COBL: variants seen among roughly 807,000 people sequenced by gnomAD.
COBL encodes the protein cordon-bleu WH2 repeat protein.
In COBL, 51 loss-of-function variants were observed where a neutral mutation model predicts 98.8. The observed-to-expected ratio is 0.52, with a 90% CI of 0.41 to 0.65. The LOEUF (loss-of-function observed/expected upper bound fraction) is 0.65. Among genes scored for constraint, COBL ranks in the 30% least tolerant of loss-of-function variants. The probability of loss-of-function intolerance (pLI) is 0.00; values close to 1 mark genes in which losing one functional copy is unlikely to be tolerated. For missense variants in COBL, 1,617 were observed against 1,617.5 expected, an observed-to-expected ratio of 1.00 and a Z score of 0.01; for synonymous variants, 634 against 651.7, an observed-to-expected ratio of 0.97 and a Z score of 0.41.
At position 51,193,582 on chromosome 7, in the gene COBL, T is replaced by A; in HGVS notation, c.253A>T (p.Met85Leu). The A allele has an allele frequency of 6.2e-7, 1 of 1,613,936 alleles. No individual in the cohort carries two copies. Among genetic ancestry groups the A allele is most frequent in the Non-Finnish European group, 8.5e-7 (1 of 1,179,902 alleles). Residue 85 changes from methionine (M) to leucine (L), a missense_variant, in exon 3 of 13, where the codon ATG (methionine) becomes TTG (leucine). By Grantham distance (15) the Met-to-Leu change is conservative. Around this residue, in one of 3 missense-constraint regions of COBL, gnomAD observed 238 missense variants for 215.0 expected, o/e 1.11. Transcript: ENST00000265136. ...CAAAGTTCAACCAGTAGGTCCATCA[T>A]CGCATGGCTGAAAAAAGGAAAACAA... ...KRSVLNGSHAMMDLLVELCLQ... is the reference protein window; with the variant it reads ...KRSVLNGSHALMDLLVELCLQ...
intron 6 of COBL, among the ~76,000 whole-genome samples, chr7:51,092,199 C>G (rs1794877933): frequency 6.6e-6 from 1 of 152,210 alleles, no homozygotes; most frequent in Non-Finnish European, 1.5e-5. Context: ...TGAGGTGGAA[C>G]AGTTTTATCC....
At chr7:51,094,334 T>C (rs373483499) in intron 6 of COBL, among the ~76,000 whole-genome samples, 4 of 152,052 alleles carry the variant, frequency 2.6e-5, no homozygotes, top group Non-Finnish European at 5.9e-5. Context: ...TTAATAACAA[T>C]GTGTTGTATA....
intron 1 of COBL, among the ~76,000 whole-genome samples, chr7:51,304,987 C>T (rs1584456645): frequency 6.6e-6 from 1 of 152,100 alleles, no homozygotes; most frequent in Admixed American, 6.5e-5. Context: ...GCAAACCAGC[C>T]GTGCTCCCCA....
In COBL at chr7:51,203,461, CAAAAAAA is replaced by C. The variant is rs1165738166; in HGVS notation, c.246-9879_246-9873del. Reference sequence around the variant, plus strand: ...TGGGCGACAGAGCGAGACTCCGTCTCAAAAAAAAAAAAAAAAAAAAAAAACTCTTGGC... The same window carrying C: ...TGGGCGACAGAGCGAGACTCCGTCTCAAAAAAAAAAAAAAAAACTCTTGGC... On this transcript the variant is annotated intron_variant, in intron 2 of 12. Transcript: ENST00000265136. Among the ~76,000 whole-genome samples, 5 of 12,064 alleles carry C rather than the reference CAAAAAAA, an allele frequency of 4.1e-4. 1 individual carries two copies. Among genetic ancestry groups the C allele is most frequent in the South Asian group, 6.8e-3 (2 of 292 alleles). The allele number at this position is 12,064 out of a possible 152,430, so 7.9% of individuals were successfully genotyped here. A position where few individuals can be genotyped will look rare whatever the true frequency, so the allele number is the denominator to read the frequency against.
chr7:51,229,675 G>A (rs1794549638), intron 1 of COBL, among the ~76,000 whole-genome samples: 1 of 152,154 alleles, frequency 6.6e-6, no homozygotes, highest in Non-Finnish European at 1.5e-5. Context: ...TTTCCTAAAG[G>A]AGTTTTGATT....
intron 9 of COBL, among the ~76,000 whole-genome samples, chr7:51,030,149 G>C (rs1431015217): frequency 6.6e-6 from 1 of 152,160 alleles, no homozygotes; most frequent in Non-Finnish European, 1.5e-5. Context: ...ACATTCTCAG[G>C]ACAGGAAACT....
At chr7:51,308,492 T>C (rs905594217) in intron 1 of COBL, among the ~76,000 whole-genome samples, 5 of 152,222 alleles carry the variant, frequency 3.3e-5, no homozygotes, top group African/African-American at 1.2e-4. Context: ...GTTTGCTACT[T>C]ACTTAACTGC....
chr7:51,268,777 A>C (rs1798456516), intron 1 of COBL, among the ~76,000 whole-genome samples: 1 of 151,950 alleles, frequency 6.6e-6, no homozygotes, highest in Non-Finnish European at 1.5e-5. Flanking sequence ...TAAAAATACA[A>C]AAATTAGCCA....
chr7:51,230,008 C>T (rs1794595359), intron 1 of COBL, among the ~76,000 whole-genome samples: 1 of 152,154 alleles, frequency 6.6e-6, no homozygotes. Context: ...TCTGTGCAGG[C>T]TGCAGTATCA....
chr7:51,018,891 C>CAAAAAAAAAAAAAA (rs11433270), intron 12 of COBL, among the ~76,000 whole-genome samples: 6 of 6,830 alleles, frequency 8.8e-4, no homozygotes, highest in East Asian at 4.2e-3. Context: ...AACTCCATCT[C>CAAAAAAAAAAAAAA]AAAAAAAAAA....
intron 1 of COBL, among the ~76,000 whole-genome samples, chr7:51,281,685 GTAAATA>G (rs1799831676): frequency 6.6e-6 from 1 of 151,478 alleles, no homozygotes; most frequent in Admixed American, 6.6e-5. Flanking sequence ...ACTATATCCA[GTAAATA>G]TATCCTTCAA....
intron 2 of COBL, among the ~76,000 whole-genome samples, chr7:51,205,964 G>T (rs1195747368): frequency 6.6e-6 from 1 of 152,102 alleles, no homozygotes; most frequent in African/African-American, 2.4e-5. Flanking sequence ...TCACCATCAG[G>T]AAAGTGCAAT....
intron 5 of COBL, among the ~76,000 whole-genome samples, chr7:51,154,058 C>T (rs1346847308): frequency 2.0e-5 from 3 of 152,156 alleles, no homozygotes; most frequent in African/African-American, 7.2e-5. Flanking sequence ...GTGCCTCCAA[C>T]CTTGGCAGAT....
At position 51,190,895 on chromosome 7, in the gene COBL, TCAGGGACTTGGA is replaced by T. The variant is rs1790048409; in HGVS notation, c.628_639del (p.Ser210_Leu213del). On this transcript the variant is annotated inframe_deletion, in exon 4 of 13. Transcript: ENST00000265136. ...TAGAGCTCCTTTATCCCGAGCTCGT[TCAGGGACTTGGA>T]CAGCTCCAGCTCCTCTCCGGCAATG... 6.2e-7 allele frequency: 1 copy of T among 1,614,108 alleles called. No homozygotes were observed. The highest frequency in any genetic ancestry group is 8.5e-7 in the Non-Finnish European group (1 of 1,180,018).
chr7:51,107,508 A>G (rs971569246), intron 6 of COBL, among the ~76,000 whole-genome samples: 1 of 152,222 alleles, frequency 6.6e-6, no homozygotes, highest in Non-Finnish European at 1.5e-5. Context: ...GTAAATATCA[A>G]TATTTGTTAA....
At chr7:51,037,182 G>C (rs998970555) in intron 8 of COBL, among the ~76,000 whole-genome samples, 2 of 152,138 alleles carry the variant, frequency 1.3e-5, no homozygotes, top group African/African-American at 4.8e-5. Context: ...ATCAGAGCTA[G>C]ATACAAGTTA....
chr7:51,171,281 GATAATCTA>G (rs1205443298), intron 5 of COBL, among the ~76,000 whole-genome samples: 1 of 152,124 alleles, frequency 6.6e-6, no homozygotes, highest in Non-Finnish European at 1.5e-5. Context: ...AAATTTGAAA[GATAATCTA>G]ATCAGGTATC....
At chr7:51,111,585 G>T (rs768402024) in intron 6 of COBL, among the ~76,000 whole-genome samples, 17 of 152,164 alleles carry the variant, frequency 1.1e-4, no homozygotes, top group African/African-American at 4.1e-4. Flanking sequence ...CTCTCTCGCT[G>T]AACTGTCCTG....
chr7:51,242,101 T>C (rs997552886), intron 1 of COBL, among the ~76,000 whole-genome samples: 1 of 152,208 alleles, frequency 6.6e-6, no homozygotes, highest in Non-Finnish European at 1.5e-5. Flanking sequence ...GAGTATAACT[T>C]TGTAACTTCA....
Sources: gnomAD v4.1 joint callset for allele counts (sites outside exome capture counted in the v4.1 genomes callset) on GRCh38, gnomAD v4.1.1 for gene constraint, gnomAD v4.1.1 regional missense constraint, MANE v1.5 for transcripts, NCBI Gene and HGNC (gene_info 2026-07-23, HGNC 2026-07-21) for gene names.